CATSPERD: variants seen among roughly 807,000 people sequenced by gnomAD.
CATSPERD encodes the protein catsper channel auxiliary subunit delta.
CATSPERD carries 86 observed loss-of-function variants against 98.1 expected under a neutral mutation model. The observed-to-expected ratio is 0.88, with a 90% CI of 0.74 to 1.05. CATSPERD has a LOEUF of 1.05. Ranked by LOEUF, CATSPERD falls within the 50% of genes least tolerant of loss-of-function variation. The pLI is 0.00. For synonymous variants in CATSPERD, 394 were observed against 390.2 expected (o/e 1.01, Z -0.12); for missense variants, 995 against 1,005.7 (o/e 0.99, Z 0.14).
At chr19:5,741,353 G>T (rs1051090958) in intron 7 of CATSPERD, among the ~76,000 whole-genome samples, 1 of 152,126 alleles carries the variant, frequency 6.6e-6, no homozygotes, top group Non-Finnish European at 1.5e-5. Flanking sequence ...AAGTTTACTT[G>T]TCATGGTTCT....
At chr19:5,761,577 C>A (rs1043021209) in intron 15 of CATSPERD, among the ~76,000 whole-genome samples, 1 of 152,258 alleles carries the variant, frequency 6.6e-6, no homozygotes, top group Admixed American at 6.5e-5. Context: ...ACAGGAAGCA[C>A]GACTTGGGGG....
chr19:5,728,537 C>T (rs951131664), intron 3 of CATSPERD, among the ~76,000 whole-genome samples: 17 of 151,610 alleles, frequency 1.1e-4, no homozygotes, highest in Middle Eastern at 3.4e-3. Context: ...GTCTGGATGT[C>T]TGGATGACAG....
At chr19:5,752,406 C>A (rs1004879920) in intron 12 of CATSPERD, among the ~76,000 whole-genome samples, 1 of 150,578 alleles carries the variant, frequency 6.6e-6, no homozygotes, top group African/African-American at 2.4e-5. Flanking sequence ...CCCAGGAGTT[C>A]GAGGCTGCAG....
At chr19:5,765,857 C>T (rs1037078697) in intron 16 of CATSPERD, among the ~76,000 whole-genome samples, 3 of 151,892 alleles carry the variant, frequency 2.0e-5, no homozygotes, top group Non-Finnish European at 4.4e-5. Context: ...TTCTGGTCTC[C>T]GTGAAGCCAC....
At chr19:5,748,941 G>T (rs1440478511) in intron 10 of CATSPERD, among the ~76,000 whole-genome samples, 160 bp from the exon 11 acceptor site, 1 of 151,478 alleles carries the variant, frequency 6.6e-6, no homozygotes, top group Non-Finnish European at 1.5e-5. Flanking sequence ...TGTTGGCCAG[G>T]CTGGTCTCAA....
rs2055449742 is a variant in CATSPERD, at chr19:5,720,933, G to C, written c.71+125G>C. ...TCCCCTTTTACTCTTTTTAGGAATC[G>C]AACTTGACGCCTCGCTCACCCTACT... On this transcript the variant is annotated intron_variant, in intron 1 of 21. Transcript: ENST00000381624. 7 of 708,878 alleles carry C rather than the reference G, an allele frequency of 9.9e-6. No homozygotes were observed. In the East Asian group the frequency reaches 1.7e-4, roughly 17 times the overall value. 43.9% of individuals were successfully genotyped at this position (708,878 alleles called of 1,614,324 possible).
intron 15 of CATSPERD, among the ~76,000 whole-genome samples, chr19:5,759,395 C>G (rs1202998746): frequency 6.6e-6 from 1 of 151,358 alleles, no homozygotes; most frequent in Non-Finnish European, 1.5e-5. Context: ...AACCCCGTCT[C>G]TACTAAAAAA....
At chr19:5,750,419 C>G (rs1286351147) in intron 11 of CATSPERD, among the ~76,000 whole-genome samples, 2 of 121,514 alleles carry the variant, frequency 1.6e-5, no homozygotes, top group Non-Finnish European at 3.2e-5. Context: ...CCACTGCACT[C>G]TAGCCTGGGT....
chr19:5,736,823 C>T (rs1318671558), intron 5 of CATSPERD, among the ~76,000 whole-genome samples: 6 of 152,088 alleles, frequency 3.9e-5, no homozygotes, highest in East Asian at 1.9e-4. Context: ...TTTGGGAGGC[C>T]GAGGTGGGTG....
chr19:5,734,506 T>TGG (rs2055803412), intron 5 of CATSPERD, among the ~76,000 whole-genome samples: 1 of 152,060 alleles, frequency 6.6e-6, no homozygotes, highest in Admixed American at 6.6e-5. Flanking sequence ...GGCGTGGTGG[T>TGG]GCATGCCTGT....
At chr19:5,748,324 C>T (rs1380057293) in intron 10 of CATSPERD, 69 bp downstream of exon 10, 4 of 1,420,246 alleles carry the variant, frequency 2.8e-6, no homozygotes, top group Non-Finnish European at 4.0e-6. Flanking sequence ...GCCTGCCAGA[C>T]CCAACCCAGC....
At chr19:5,775,314 T>G (rs1439153609) in intron 20 of CATSPERD, 2 of 470,532 alleles carry the variant, frequency 4.3e-6, no homozygotes, top group East Asian at 7.0e-5. Flanking sequence ...TCCCTCAAGC[T>G]TCCACAGACC....
chr19:5,736,740 CAAAT>C (rs1012298066), intron 5 of CATSPERD, among the ~76,000 whole-genome samples: 4 of 151,018 alleles, frequency 2.6e-5, no homozygotes, highest in Non-Finnish European at 4.4e-5. Flanking sequence ...GACTCTCTCT[CAAAT>C]AAATAAATAA....
chr19:5,758,901 G>T (rs1286004526), intron 14 of CATSPERD, among the ~76,000 whole-genome samples, 185 bp from the exon 15 acceptor site: 1 of 141,894 alleles, frequency 7.0e-6, no homozygotes, highest in South Asian at 2.3e-4. Flanking sequence ...TCCAGCCTGG[G>T]CAACAGAGAG....
intron 13 of CATSPERD, among the ~76,000 whole-genome samples, chr19:5,757,297 CTTTTT>C (rs77064500): frequency 5.0e-5 from 6 of 119,452 alleles, no homozygotes; most frequent in Admixed American, 1.7e-4. Flanking sequence ...TTTTCAACTT[CTTTTT>C]TTTTTTTTTT....
At chr19:5,748,297 T>G in intron 10 of CATSPERD, 42 bp downstream of exon 10, 1 of 1,574,712 alleles carries the variant, frequency 6.4e-7, no homozygotes, top group Non-Finnish European at 8.7e-7. Flanking sequence ...TATTTAGACC[T>G]GGCTTATTAA....
At chr19:5,727,478 A>G (rs1269233185) in intron 3 of CATSPERD, 134 bp downstream of exon 3, 1 of 661,920 alleles carries the variant, frequency 1.5e-6, no homozygotes, top group Non-Finnish European at 2.7e-6. Flanking sequence ...TAGGGAGTCC[A>G]TAGTCAGGGG....
intron 15 of CATSPERD, among the ~76,000 whole-genome samples, chr19:5,759,797 C>G (rs1041128727): frequency 6.6e-6 from 1 of 150,434 alleles, no homozygotes; most frequent in African/African-American, 2.4e-5. Flanking sequence ...AGTCCCGGGC[C>G]GGGCGCGGTG....
chr19:5,758,132 T>C (rs1169429139), intron 14 of CATSPERD, among the ~76,000 whole-genome samples, 200 bp downstream of exon 14: 1 of 152,028 alleles, frequency 6.6e-6, no homozygotes, highest in African/African-American at 2.4e-5. Flanking sequence ...CCGGATGGCA[T>C]GACAGGGAGG....
Sources: allele counts gnomAD v4.1 joint callset (sites outside exome capture counted in the v4.1 genomes callset), GRCh38; gene constraint gnomAD v4.1.1; transcripts MANE v1.5; gene names NCBI Gene and HGNC (gene_info 2026-07-23, HGNC 2026-07-21).